MT1B: variants seen among roughly 807,000 people sequenced by gnomAD.
MT1B encodes the protein metallothionein 1B.
MT1B carries 4 observed loss-of-function variants against 7.9 expected under a neutral mutation model. The ratio of observed to expected loss-of-function variants is 0.51; its 90% confidence interval spans 0.25 to 1.16. The LOEUF (loss-of-function observed/expected upper bound fraction) is 1.16. Ranked by LOEUF, MT1B falls within the 50% of genes most tolerant of loss-of-function variation. The pLI is 0.15. For synonymous variants in MT1B, 22 were observed against 27.6 expected, an observed-to-expected ratio of 0.80 and a Z score of 0.63; for missense variants, 76 against 75.2, an observed-to-expected ratio of 1.01 and a Z score of -0.04.
chr16:56,652,565 T>C lies in MT1B; in HGVS notation c.29-6T>C, dbSNP rs1174278265. 1.2e-6 allele frequency: 2 copies of C among 1,613,666 alleles called. No homozygotes were observed. Among genetic ancestry groups the C allele is most frequent in the African/African-American group, 2.7e-5 (2 of 74,916 alleles). ...ACTGCCCACTGCCTTTTTCGCTTCC[T>C]TGCAGGTGGCTCCTGTGCCTGCGCC... On this transcript the variant is annotated splice_region_variant and splice_polypyrimidine_tract_variant and intron_variant, in intron 1 of 2. Coordinates refer to ENST00000334346, the MANE Select transcript of MT1B (RefSeq NM_005947.3).
rs1960578119 is a variant in MT1B, at chr16:56,653,187, A to G, written c.*122A>G. Reference sequence around the variant, plus strand: ...TTCTATTCAATATGTGAAAGACAATAAAACACTTTTGACTTGATTCTGACT... The same window carrying G: ...TTCTATTCAATATGTGAAAGACAATGAAACACTTTTGACTTGATTCTGACT... On this transcript the variant is annotated 3_prime_UTR_variant, in exon 3 of 3. Transcript: ENST00000334346. The G allele has an allele frequency of 1.1e-6, 1 of 907,264 alleles. No individual in the cohort carries two copies. The highest frequency in any genetic ancestry group is 1.7e-5 in the African/African-American group (1 of 59,470). 56.2% of individuals were successfully genotyped at this position (907,264 alleles called of 1,614,324 possible). A position where few individuals can be genotyped will look rare whatever the true frequency, so the allele number is the denominator to read the frequency against.
chr16:56,652,054 A>G, intron 1 of MT1B, 73 bp downstream of exon 1: 1 of 1,582,196 alleles, frequency 6.3e-7, no homozygotes, highest in Non-Finnish European at 8.7e-7. Context: ...TGGGTTAGAG[A>G]AGGTTGCATT....
Position 56,652,631 on chromosome 16 carries a change from A to G in MT1B, c.89A>G (p.Lys30Arg). The G allele has an allele frequency of 6.2e-7, 1 of 1,613,916 alleles. No individual in the cohort carries two copies. Among genetic ancestry groups the G allele is most frequent in the Non-Finnish European group, 8.5e-7 (1 of 1,179,872 alleles). Reference sequence around the variant, plus strand: ...AAAGAGTGCAAATGTACCTCCTGCAAGAAGTGTGAGTGTGGGATCATCTCC... The same window carrying G: ...AAAGAGTGCAAATGTACCTCCTGCAGGAAGTGTGAGTGTGGGATCATCTCC... ...KCKECKCTSC[K>R]KCCCSCCPVG... The change falls in exon 2 of 3, where the codon AAG (lysine) becomes AGG (arginine). Residue 30 changes from lysine (K) to arginine (R), a missense_variant. Lys to Arg is a conservative substitution (Grantham distance 26, BLOSUM62 2). Coordinates refer to ENST00000334346, the MANE Select transcript of MT1B (RefSeq NM_005947.3).
chr16:56,652,667 G>A (rs1192328127), intron 2 of MT1B, 31 bp downstream of exon 2: 1 of 1,612,908 alleles, frequency 6.2e-7, no homozygotes, highest in African/African-American at 1.3e-5. Context: ...AGGAATCTGG[G>A]GCTGTGGCTA....
At chr16:56,652,015 C>T in intron 1 of MT1B, 34 bp downstream of exon 1, 1 of 1,613,348 alleles carries the variant, frequency 6.2e-7, no homozygotes, top group Non-Finnish European at 8.5e-7. Context: ...CTTGAGATGC[C>T]CATTCCCGGC....
chr16:56,651,932 TC>T lies in MT1B; in HGVS notation c.-20del, dbSNP rs1322588817. The T allele has an allele frequency of 5.0e-6, 8 of 1,614,114 alleles. No individual in the cohort carries two copies. Among genetic ancestry groups the T allele is most frequent in the Non-Finnish European group, 6.8e-6 (8 of 1,179,948 alleles). On this transcript the variant is annotated 5_prime_UTR_variant, in exon 1 of 3. Transcript: ENST00000334346. ...GACTTCTCATATCTTGCCTAGGAAC[TC>T]CAGGCTTGTCTTGGCTCCAAATGGA...
chr16:56,652,892 A>T (rs748190722), intron 2 of MT1B, 82 bp from the exon 3 acceptor site: 88 of 1,490,474 alleles, frequency 5.9e-5, no homozygotes, highest in Non-Finnish European at 8.1e-5. Flanking sequence ...GTGGGGGCTG[A>T]ACTTCAGCCA....
intron 2 of MT1B, 141 bp downstream of exon 2, chr16:56,652,777 G>T (rs1960571315): frequency 1.6e-6 from 2 of 1,247,962 alleles, no homozygotes; most frequent in Non-Finnish European, 2.3e-6. Context: ...CAGGCTTTCT[G>T]CTCTGAGCTC....
At chr16:56,652,716 C>A (rs1165043573) in intron 2 of MT1B, 80 bp downstream of exon 2, 4 of 1,528,502 alleles carry the variant, frequency 2.6e-6, no homozygotes, top group Non-Finnish European at 3.6e-6. Flanking sequence ...TGAGTGCATG[C>A]TTTTGGGAAC....
intron 2 of MT1B, 82 bp from the exon 3 acceptor site, chr16:56,652,892 A>G (rs748190722): frequency 2.7e-6 from 4 of 1,490,476 alleles, no homozygotes; most frequent in Non-Finnish European, 3.7e-6. Flanking sequence ...GTGGGGGCTG[A>G]ACTTCAGCCA....
At position 56,652,552 on chromosome 16, in the gene MT1B, C is replaced by G. The variant is rs1960567303; in HGVS notation, c.29-19C>G. ...CTGCATCTTACTCACTGCCCACTGC[C>G]TTTTTCGCTTCCTTGCAGGTGGCTC... is the stretch of plus-strand genomic sequence containing the variant. On this transcript the variant is annotated intron_variant, in intron 1 of 2. Transcript: ENST00000334346. 1 of 1,613,178 alleles carries G rather than the reference C, an allele frequency of 6.2e-7. No individual in the cohort carries two copies.
Position 56,653,050 on chromosome 16 carries a change from C to T in MT1B, c.171C>T (p.Cys57=). The change falls in exon 3 of 3, where the codon TGC becomes TGT. Residue 57 remains cysteine (C), a synonymous_variant. Coordinates refer to ENST00000334346, the MANE Select transcript of MT1B (RefSeq NM_005947.3). The part of the protein sequence containing the change: ...GCVCKGSSEK[C]RCCA ...TCTGCAAAGGCTCATCAGAGAAGTG[C>T]CGCTGCTGTGCCTGATGTTGGGAGA... is the stretch of plus-strand genomic sequence containing the variant. The T allele has an allele frequency of 6.2e-7, 1 of 1,613,976 alleles. No homozygotes were observed. The highest frequency in any genetic ancestry group is 8.5e-7 in the Non-Finnish European group (1 of 1,179,968).
chr16:56,652,379 A>G (rs558094151), intron 1 of MT1B, among the ~76,000 whole-genome samples, 192 bp from the exon 2 acceptor site: 9 of 152,328 alleles, frequency 5.9e-5, no homozygotes, highest in Admixed American at 2.0e-4. Flanking sequence ...CTGATGGGGT[A>G]TATAAAGAAG....
At chr16:56,652,505 C>T (rs1960566769) in intron 1 of MT1B, 66 bp from the exon 2 acceptor site, 1 of 1,476,512 alleles carries the variant, frequency 6.8e-7, no homozygotes, top group Non-Finnish European at 9.5e-7. Context: ...ACTGGACACT[C>T]ATGGACTCAC....
intron 1 of MT1B, 43 bp downstream of exon 1, chr16:56,652,024 G>A (rs758602637): frequency 3.1e-6 from 5 of 1,611,970 alleles, no homozygotes; most frequent in Non-Finnish European, 4.2e-6. Flanking sequence ...CCCATTCCCG[G>A]CCACTGTACA....
intron 2 of MT1B, 43 bp from the exon 3 acceptor site, chr16:56,652,931 G>T (rs376095905): frequency 8.4e-5 from 135 of 1,599,492 alleles, no homozygotes; most frequent in Non-Finnish European, 1.1e-4. Flanking sequence ...AGAGGTTCCT[G>T]GTCAAGTCAG....
chr16:56,652,545 C>G (rs902422147), intron 1 of MT1B, 26 bp from the exon 2 acceptor site: 2 of 1,611,600 alleles, frequency 1.2e-6, no homozygotes, highest in African/African-American at 2.7e-5. Context: ...TACTCACTGC[C>G]CACTGCCTTT....
chr16:56,652,415 G>T (rs1369522079), intron 1 of MT1B, among the ~76,000 whole-genome samples, 156 bp from the exon 2 acceptor site: 1 of 152,188 alleles, frequency 6.6e-6, no homozygotes, highest in Non-Finnish European at 1.5e-5. Context: ...CAGCCTGAGT[G>T]GAGAGGACAT....
intron 2 of MT1B, 77 bp downstream of exon 2, chr16:56,652,713 A>C: frequency 6.4e-7 from 1 of 1,555,464 alleles, no homozygotes; most frequent in Non-Finnish European, 8.9e-7. Flanking sequence ...CCCTGAGTGC[A>C]TGCTTTTGGG....
Sources: gnomAD v4.1 joint callset for allele counts (sites outside exome capture counted in the v4.1 genomes callset) on GRCh38, gnomAD v4.1.1 for gene constraint, MANE v1.5 for transcripts, NCBI Gene and HGNC (gene_info 2026-07-23, HGNC 2026-07-21) for gene names.